The following TULP3 variants were observed in gnomAD, a reference collection of about 807,000 sequenced individuals.
TULP3 encodes the protein TUB like protein 3, also known as tubby-related protein 3.
Under a neutral mutation model 50.7 loss-of-function variants are expected in TULP3, and 38 were observed. The observed-to-expected ratio is 0.75, with a 90% CI of 0.58 to 0.98. The LOEUF is 0.98. TULP3 is among the 50% of genes least tolerant of loss of function. TULP3 has a pLI of 0.00. For missense variants in TULP3, 550 were observed against 568.0 expected, an observed-to-expected ratio of 0.97 and a Z score of 0.32; for synonymous variants, 183 against 196.6, an observed-to-expected ratio of 0.93 and a Z score of 0.58.
chr12:2,911,522 TATTTTTTA>T (rs2098185543), intron 2 of TULP3, among the ~76,000 whole-genome samples: 7 of 115,588 alleles, frequency 6.1e-5, no homozygotes, highest in African/African-American at 2.4e-4. Flanking sequence ...CAGGCTAATT[TATTTTTTA>T]TTTTTTTTTA....
At chr12:2,910,405 A>G (rs1329852711) in intron 2 of TULP3, among the ~76,000 whole-genome samples, 1 of 152,236 alleles carries the variant, frequency 6.6e-6, no homozygotes, top group South Asian at 2.1e-4. Context: ...GATAACCATT[A>G]TATCAGAAGT....
intron 4 of TULP3, among the ~76,000 whole-genome samples, chr12:2,929,831 T>C (rs779132620): frequency 2.0e-5 from 3 of 151,558 alleles, no homozygotes; most frequent in African/African-American, 2.4e-5. Flanking sequence ...CTTCGTGATC[T>C]GCCCACCTCA....
intron 8 of TULP3, 29 bp downstream of exon 8, chr12:2,934,590 C>A: frequency 6.8e-7 from 1 of 1,480,944 alleles, no homozygotes; most frequent in Non-Finnish European, 9.1e-7. Context: ...GGGCCGCTGC[C>A]TGCCCTCCTG....
In TULP3 at chr12:2,939,599, A is replaced by C. The variant is rs1345789473; in HGVS notation, c.*155A>C. On this transcript the variant is annotated 3_prime_UTR_variant, in exon 11 of 11. Coordinates refer to ENST00000448120, the MANE Select transcript of TULP3 (RefSeq NM_003324.5). This position sits in a 1 kb window ranked among gnomAD's most constrained non-coding sequence, Gnocchi z 4.0. ...ATAAAACACACACACAAAGAGCAAT[A>C]GTTTGCCCCTTTTGGAACGACCCCT... is the stretch of plus-strand genomic sequence containing the variant. The C allele has an allele frequency of 1.6e-6, 2 of 1,223,906 alleles. No homozygotes were observed. The highest frequency in any genetic ancestry group is 3.1e-5 in the African/African-American group (2 of 65,086). The allele number at this position is 1,223,906 out of a possible 1,614,324, so 75.8% of individuals were successfully genotyped here. A position where few individuals can be genotyped will look rare whatever the true frequency, so the allele number is the denominator to read the frequency against.
intron 1 of TULP3, among the ~76,000 whole-genome samples, chr12:2,901,469 C>T (rs2098179257): frequency 6.6e-6 from 1 of 151,968 alleles, no homozygotes; most frequent in Non-Finnish European, 1.5e-5. Context: ...GCAACTTCTG[C>T]CTCCCGGGTT....
In TULP3 at chr12:2,939,997, C is replaced by T. The variant is rs1309050813; in HGVS notation, c.*553C>T. 3.1e-6 allele frequency: 4 copies of T among 1,283,328 alleles called. No individual in the cohort carries two copies. In the African/African-American group the frequency reaches 6.1e-5, roughly 20 times the overall value. 79.5% of individuals were successfully genotyped at this position (1,283,328 alleles called of 1,614,324 possible). A position where few individuals can be genotyped will look rare whatever the true frequency, so the allele number is the denominator to read the frequency against. ...GAATCAGGGACTGACATCGCAGTTC[C>T]TCTCCTCTCTTCATTCCCTCACAGC... On this transcript the variant is annotated 3_prime_UTR_variant, in exon 11 of 11. Coordinates refer to ENST00000448120, the MANE Select transcript of TULP3 (RefSeq NM_003324.5). The surrounding 1 kb of genome is among the most constrained non-coding windows in gnomAD (Gnocchi z 4.0).
intron 1 of TULP3, among the ~76,000 whole-genome samples, chr12:2,907,389 C>T (rs551904249): frequency 8.7e-4 from 132 of 151,316 alleles, no homozygotes; most frequent in African/African-American, 3.1e-3. Flanking sequence ...GCAGGAGAAT[C>T]GCTTGAACCT....
chr12:2,895,114 A>T (rs1383532243), intron 1 of TULP3, among the ~76,000 whole-genome samples: 1 of 152,188 alleles, frequency 6.6e-6, no homozygotes, highest in Non-Finnish European at 1.5e-5. Flanking sequence ...GTTCACTCAA[A>T]AGAATGCTTT....
chr12:2,922,196 A>C, intron 3 of TULP3, 66 bp from the exon 4 acceptor site: 13 of 1,561,260 alleles, frequency 8.3e-6, no homozygotes, highest in Non-Finnish European at 1.1e-5. Flanking sequence ...CACATATGCC[A>C]AATCTACCCA....
chr12:2,935,971 AAAT>A (rs1193228752), intron 8 of TULP3, among the ~76,000 whole-genome samples: 8 of 151,912 alleles, frequency 5.3e-5, no homozygotes, highest in Admixed American at 3.9e-4. Context: ...CCTGTTTAAA[AAAT>A]AATAATAATC....
rs560613022 is a variant in TULP3 at position 2,910,059 on chromosome 12, G to A, written c.93+479G>A. 7.2e-5 allele frequency among the ~76,000 whole-genome samples: 11 copies of A among 152,278 alleles called. No homozygotes were observed. The East Asian group carries it at 9.6e-4, about 13-fold the overall frequency. On this transcript the variant is annotated intron_variant, in intron 2 of 10. Transcript: ENST00000448120. ...TGTCATCCCAGCACTGTGGGAGGCC[G>A]AGGCAGGCAGATCACGAGGTCAGGA...
intron 1 of TULP3, among the ~76,000 whole-genome samples, chr12:2,896,086 G>T (rs1464088977): frequency 6.6e-6 from 1 of 152,024 alleles, no homozygotes; most frequent in East Asian, 1.9e-4. Context: ...GATTACAGGC[G>T]TGCACCACCA....
At chr12:2,917,649 G>A (rs946879305) in intron 2 of TULP3, among the ~76,000 whole-genome samples, 35 of 151,886 alleles carry the variant, frequency 2.3e-4, no homozygotes, top group African/African-American at 6.5e-4. Context: ...AGGCCAAGGC[G>A]GGCGGATCAT....
chr12:2,911,771 A>G (rs2098185809), intron 2 of TULP3, among the ~76,000 whole-genome samples: 1 of 145,854 alleles, frequency 6.9e-6, no homozygotes, highest in African/African-American at 2.5e-5. Context: ...AGGAGTTTCA[A>G]AGGAATATTT....
intron 4 of TULP3, among the ~76,000 whole-genome samples, chr12:2,927,860 A>C (rs1284480101): frequency 2.2e-4 from 34 of 152,274 alleles, no homozygotes; most frequent in African/African-American, 7.7e-4. Context: ...GTGAGGGGTA[A>C]CTTCACCCCG....
At position 2,931,085 on chromosome 12, in the gene TULP3, C is replaced by T. The variant is rs200191197; in HGVS notation, c.541C>T (p.Leu181Phe). 2 of 1,614,122 alleles carry T rather than the reference C, an allele frequency of 1.2e-6. No individual in the cohort carries two copies. The highest frequency in any genetic ancestry group is 4.5e-5 in the East Asian group (2 of 44,864). Residue 181 changes from leucine to phenylalanine, a missense_variant, in exon 6 of 11, where the codon CTC (leucine) becomes TTC (phenylalanine). Physicochemically the swap from Leu to Phe is conservative, Grantham distance 22. Coordinates refer to ENST00000448120, the MANE Select transcript of TULP3 (RefSeq NM_003324.5). ...SATAAQPADN[L>F]LGDIDDLEDF... ...TACTGCCGCCCAACCAGCTGATAAC[C>T]TCCTGGGAGACATAGACGACCTGGA...
At chr12:2,893,731 T>C (rs921308051) in intron 1 of TULP3, among the ~76,000 whole-genome samples, 12 of 151,606 alleles carry the variant, frequency 7.9e-5, no homozygotes, top group African/African-American at 2.9e-4. Context: ...TTTTTTTTCT[T>C]GGAATTATGT....
At chr12:2,911,660 C>T (rs1184678209) in intron 2 of TULP3, among the ~76,000 whole-genome samples, 3 of 94,564 alleles carry the variant, frequency 3.2e-5, no homozygotes, top group Non-Finnish European at 7.2e-5. Flanking sequence ...CCACTGCGCC[C>T]AGCCTTTTTT....
intron 4 of TULP3, among the ~76,000 whole-genome samples, chr12:2,925,242 G>A (rs1011634219): frequency 3.3e-5 from 5 of 152,164 alleles, no homozygotes; most frequent in African/African-American, 1.2e-4. Context: ...CAGTTGAGCT[G>A]TGGAAAAATT....
Sources: allele counts gnomAD v4.1 joint callset (sites outside exome capture counted in the v4.1 genomes callset), GRCh38; gene constraint gnomAD v4.1.1; non-coding constraint Gnocchi (gnomAD v3.1); transcripts MANE v1.5; gene names NCBI Gene and HGNC (gene_info 2026-07-23, HGNC 2026-07-21).